PSME3IP1: variants seen among roughly 807,000 people sequenced by gnomAD.
PSME3IP1 encodes proteasome activator subunit 3 interacting protein 1.
In PSME3IP1, 13 loss-of-function variants were observed where a neutral mutation model predicts 34.1. The observed-to-expected ratio is 0.38, with a 90% CI of 0.25 to 0.61. The LOEUF is 0.61. Ranked by LOEUF, PSME3IP1 falls within the 20% of genes least tolerant of loss-of-function variation. PSME3IP1 has a pLI of 0.60. For missense variants in PSME3IP1, 237 were observed against 301.4 expected, an observed-to-expected ratio of 0.79 and a Z score of 1.58; for synonymous variants, 93 against 114.3, an observed-to-expected ratio of 0.81 and a Z score of 1.19.
At position 57,167,285 on chromosome 16, in the gene PSME3IP1, T is replaced by TA. The variant is rs756103829; in HGVS notation, c.349-60dup. 9 of 1,595,760 alleles carry TA rather than the reference T, an allele frequency of 5.6e-6. No individual in the cohort carries two copies. In the South Asian group the frequency reaches 9.9e-5, roughly 18 times the overall value. On this transcript the variant is annotated intron_variant, in intron 4 of 6. Coordinates refer to ENST00000309137, the MANE Select transcript of PSME3IP1 (RefSeq NM_024946.4). Reference sequence around the variant, plus strand: ...AGGGAAGACAACAAATATAACCCACTAGCCCTTCGGCTGTGCGATGTAATG... The same window carrying TA: ...AGGGAAGACAACAAATATAACCCACTAAGCCCTTCGGCTGTGCGATGTAATG...
intron 1 of PSME3IP1, among the ~76,000 whole-genome samples, chr16:57,177,057 G>A (rs1387201181): frequency 2.0e-5 from 3 of 152,056 alleles, no homozygotes; most frequent in Non-Finnish European, 4.4e-5. Context: ...CTTTCATTAT[G>A]TTGGCCAGGC....
intron 1 of PSME3IP1, among the ~76,000 whole-genome samples, chr16:57,177,920 C>T (rs1047765759): frequency 2.0e-5 from 3 of 152,144 alleles, no homozygotes; most frequent in Non-Finnish European, 4.4e-5. Flanking sequence ...CTCCAGGAGG[C>T]TAAGGCTGCA....
intron 3 of PSME3IP1, 75 bp from the exon 4 acceptor site, chr16:57,172,447 A>G: frequency 6.6e-7 from 1 of 1,506,118 alleles, no homozygotes; most frequent in South Asian, 1.2e-5. Context: ...CCCTTTTTAA[A>G]TAAGCAGCAG....
At position 57,171,029 on chromosome 16, in the gene PSME3IP1, C is replaced by A. The variant is rs113705595; in HGVS notation, c.348+1222G>T. Among the ~76,000 whole-genome samples the A allele has an allele frequency of 8.0e-3, 1,218 of 151,932 alleles. 13 individuals carry two copies. Among genetic ancestry groups the A allele is most frequent in the Non-Finnish European group, 0.012 (824 of 67,964 alleles). On this transcript the variant is annotated intron_variant, in intron 4 of 6. Transcript: ENST00000309137. ...CGGAGGTTGCAGTGAGACGAGATCGCGCCACTGCAGTCCAGCCTGGGCAAC... is the reference window on the plus strand; with the variant it reads ...CGGAGGTTGCAGTGAGACGAGATCGAGCCACTGCAGTCCAGCCTGGGCAAC...
chr16:57,186,034 C>T lies in PSME3IP1; in HGVS notation c.-229G>A, dbSNP rs1468319562. 9 of 985,344 alleles carry T rather than the reference C, an allele frequency of 9.1e-6. No homozygotes were observed. Among genetic ancestry groups the T allele is most frequent in the East Asian group, 2.3e-4 (2 of 8,824 alleles). The allele number at this position is 985,344 out of a possible 1,614,324, so 61.0% of individuals were successfully genotyped here. ...TTCAGGGCTTCCTGTTCCTCACCGCCACAATAGAGTCCCGCCCCACTTCCG... is the reference window on the plus strand; with the variant it reads ...TTCAGGGCTTCCTGTTCCTCACCGCTACAATAGAGTCCCGCCCCACTTCCG... On this transcript the variant is annotated 5_prime_UTR_variant, in exon 1 of 7. Transcript: ENST00000309137.
intron 1 of PSME3IP1, among the ~76,000 whole-genome samples, chr16:57,176,597 T>G (rs2073195633): frequency 6.6e-6 from 1 of 152,224 alleles, no homozygotes; most frequent in East Asian, 1.9e-4. Flanking sequence ...ACTGGGACTA[T>G]ACAAAAAGAA....
chr16:57,171,508 G>C (rs2072587165), intron 4 of PSME3IP1, among the ~76,000 whole-genome samples: 1 of 152,166 alleles, frequency 6.6e-6, no homozygotes, highest in Non-Finnish European at 1.5e-5. Context: ...GATGAGAGCA[G>C]AAACAAACCA....
intron 6 of PSME3IP1, among the ~76,000 whole-genome samples, chr16:57,159,553 GC>G (rs1231523600): frequency 6.6e-6 from 1 of 152,152 alleles, no homozygotes; most frequent in Non-Finnish European, 1.5e-5. Context: ...AGTCATAGGG[GC>G]CCAAGACGGA....
chr16:57,171,430 G>T (rs553694017), intron 4 of PSME3IP1, among the ~76,000 whole-genome samples: 1 of 152,216 alleles, frequency 6.6e-6, no homozygotes, highest in African/African-American at 2.4e-5. Flanking sequence ...GTTTCAAATA[G>T]AAAAGTGACA....
At chr16:57,175,100 C>T (rs1204266358) in intron 1 of PSME3IP1, among the ~76,000 whole-genome samples, 3 of 151,696 alleles carry the variant, frequency 2.0e-5, no homozygotes, top group Non-Finnish European at 4.4e-5. Flanking sequence ...CTGCAACCTC[C>T]GCCTCCCAGG....
chr16:57,182,886 C>T (rs1168630952), intron 1 of PSME3IP1, among the ~76,000 whole-genome samples: 1 of 151,998 alleles, frequency 6.6e-6, no homozygotes, highest in South Asian at 2.1e-4. Flanking sequence ...CTCCAGCCTG[C>T]GCGAAGTGGG....
chr16:57,154,158 T>C lies in PSME3IP1; in HGVS notation c.*132A>G, dbSNP rs116573186. The C allele has an allele frequency of 2.8e-6, 2 of 718,834 alleles. No homozygotes were observed. The highest frequency in any genetic ancestry group is 4.6e-6 in the Non-Finnish European group (2 of 436,506). 44.5% of individuals were successfully genotyped at this position (718,834 alleles called of 1,614,324 possible). A position where few individuals can be genotyped will look rare whatever the true frequency, so the allele number is the denominator to read the frequency against. On this transcript the variant is annotated 3_prime_UTR_variant, in exon 7 of 7. Transcript: ENST00000309137. This position sits in a 1 kb window ranked among gnomAD's most constrained non-coding sequence, Gnocchi z 4.0. Reference sequence around the variant, plus strand: ...GATTCTGGCACATTTTTAGATTGGATTGGTTAAAAATGTCATGTTGTACAC... The same window carrying C: ...GATTCTGGCACATTTTTAGATTGGACTGGTTAAAAATGTCATGTTGTACAC...
chr16:57,165,904 G>A (rs914367336), intron 5 of PSME3IP1, among the ~76,000 whole-genome samples: 5 of 151,986 alleles, frequency 3.3e-5, no homozygotes, highest in African/African-American at 9.7e-5. Context: ...AGTCTCAAGG[G>A]ATAACAAATT....
intron 4 of PSME3IP1, among the ~76,000 whole-genome samples, chr16:57,167,784 CG>C (rs1158971544): frequency 3.9e-5 from 6 of 152,044 alleles, no homozygotes; most frequent in African/African-American, 7.3e-5. Flanking sequence ...TCTAGAGGCC[CG>C]GGAGTTTGTT....
At chr16:57,178,215 C>T (rs1486327125) in intron 1 of PSME3IP1, among the ~76,000 whole-genome samples, 1 of 152,120 alleles carries the variant, frequency 6.6e-6, no homozygotes, top group Non-Finnish European at 1.5e-5. Context: ...CAGGCTGTTC[C>T]CTCTGCCAGG....
At chr16:57,183,355 T>C (rs2073897539) in intron 1 of PSME3IP1, among the ~76,000 whole-genome samples, 1 of 152,140 alleles carries the variant, frequency 6.6e-6, no homozygotes, top group Non-Finnish European at 1.5e-5. Context: ...TTTTTTGAGA[T>C]AGGGTCTCGC....
intron 6 of PSME3IP1, among the ~76,000 whole-genome samples, chr16:57,163,073 G>C (rs2071452743): frequency 6.6e-6 from 1 of 152,132 alleles, no homozygotes; most frequent in Non-Finnish European, 1.5e-5. Context: ...GGTGAGGCAG[G>C]AGAATTACTT....
chr16:57,160,153 G>A (rs569032500), intron 6 of PSME3IP1, among the ~76,000 whole-genome samples: 5 of 152,030 alleles, frequency 3.3e-5, no homozygotes, highest in South Asian at 2.1e-4. Context: ...AGCCGGGCGC[G>A]GTGGCGGGCG....
At chr16:57,167,345 T>C in intron 4 of PSME3IP1, 119 bp from the exon 5 acceptor site, 1 of 1,131,354 alleles carries the variant, frequency 8.8e-7, no homozygotes, top group Non-Finnish European at 1.3e-6. Context: ...GCCCCACCCT[T>C]CTTTATTCTG....
Sources: gnomAD v4.1 joint callset for allele counts (sites outside exome capture counted in the v4.1 genomes callset) on GRCh38, gnomAD v4.1.1 for gene constraint, Gnocchi (gnomAD v3.1) non-coding constraint, MANE v1.5 for transcripts, NCBI Gene and HGNC (gene_info 2026-07-23, HGNC 2026-07-21) for gene names.